KCNK2: variants seen among roughly 807,000 people sequenced by gnomAD.
The protein encoded by KCNK2 is potassium channel subfamily K member 2.
In KCNK2, 21 loss-of-function variants were observed where a neutral mutation model predicts 40.5. The ratio of observed to expected loss-of-function variants is 0.52; its 90% CI spans 0.37 to 0.75. KCNK2 has a LOEUF of 0.75. Ranked by LOEUF, KCNK2 falls within the 30% of genes least tolerant of loss-of-function variation. KCNK2 has a pLI of 0.00. For synonymous variants in KCNK2, 191 were observed against 202.2 expected (o/e 0.94, Z 0.47); for missense variants, 399 against 531.6 (o/e 0.75, Z 2.45).
intron 6 of KCNK2, among the ~76,000 whole-genome samples, chr1:215,207,321 C>T (rs1308813986): frequency 5.9e-5 from 9 of 152,088 alleles, no homozygotes; most frequent in African/African-American, 1.7e-4. Flanking sequence ...ACTGTGCACA[C>T]GAGAGACCTA....
Position 215,220,196 on chromosome 1 carries a change from TCTAG to T in KCNK2, c.964-14631_964-14628del, listed in dbSNP as rs1666115389. 2.0e-4 allele frequency among the ~76,000 whole-genome samples: 30 copies of T among 152,362 alleles called. No homozygotes were observed. The South Asian group carries it at 6.2e-3, about 32-fold the overall frequency. On this transcript the variant is annotated intron_variant, in intron 6 of 6. Transcript: ENST00000444842. ...AGAACCATGAATTCATACTGGTATC[TCTAG>T]TTCCAATCTGATATAATAGAGTTAC...
At chr1:215,075,402 C>T (rs1323332606) in intron 1 of KCNK2, among the ~76,000 whole-genome samples, 1 of 152,056 alleles carries the variant, frequency 6.6e-6, no homozygotes, top group African/African-American at 2.4e-5. Flanking sequence ...TAATTTGAAA[C>T]CCACTCAGGA....
At chr1:215,203,723 A>T (rs1201528999) in intron 6 of KCNK2, among the ~76,000 whole-genome samples, 1 of 152,140 alleles carries the variant, frequency 6.6e-6, no homozygotes. Flanking sequence ...AAAATAGCCT[A>T]GTAAAAAAAT....
chr1:215,220,047 T>C (rs915988710), intron 6 of KCNK2, among the ~76,000 whole-genome samples: 1 of 152,172 alleles, frequency 6.6e-6, no homozygotes, highest in African/African-American at 2.4e-5. Context: ...AATATATGAG[T>C]GTTTATGGCT....
At chr1:215,040,849 A>G (rs1485380254) in intron 1 of KCNK2, among the ~76,000 whole-genome samples, 1 of 152,176 alleles carries the variant, frequency 6.6e-6, no homozygotes, top group African/African-American at 2.4e-5. Context: ...TTGACAGGAC[A>G]CCACTGTTTG....
chr1:215,082,333 T>G (rs1659192298), upstream of KCNK2, among the ~76,000 whole-genome samples: 1 of 152,106 alleles, frequency 6.6e-6, no homozygotes, highest in African/African-American at 2.4e-5. Context: ...ACGGGGACAC[T>G]TCCCTGTACA....
At chr1:215,052,225 C>A (rs1658016218) in intron 1 of KCNK2, among the ~76,000 whole-genome samples, 1 of 151,892 alleles carries the variant, frequency 6.6e-6, no homozygotes, top group South Asian at 2.1e-4. Flanking sequence ...TGGATGGGGG[C>A]AGGTTGGTTC....
At chr1:215,157,448 C>T (rs556968040) in intron 3 of KCNK2, among the ~76,000 whole-genome samples, 8 of 152,288 alleles carry the variant, frequency 5.3e-5, no homozygotes, top group East Asian at 1.9e-4. Context: ...GAAGATTATG[C>T]GTCATTAATC....
At chr1:215,223,358 C>G (rs968896607) in intron 6 of KCNK2, among the ~76,000 whole-genome samples, 1 of 151,004 alleles carries the variant, frequency 6.6e-6, no homozygotes, top group Non-Finnish European at 1.5e-5. Context: ...AATCCCTTAT[C>G]TAGTGATGAT....
chr1:215,199,176 TG>T (rs1664983722), intron 6 of KCNK2, among the ~76,000 whole-genome samples: 1 of 151,436 alleles, frequency 6.6e-6, no homozygotes, highest in African/African-American at 2.4e-5. Context: ...GGTATGGGGG[TG>T]GGTGCCTGTA....
At position 215,046,970 on chromosome 1, in the gene KCNK2, A is replaced by T. The variant is rs143873444; in HGVS notation, c.35-39398A>T. On this transcript the variant is annotated intron_variant, in intron 1 of 6. Transcript: ENST00000391895. The stretch of plus-strand genomic sequence containing the variant: ...CGGGGTTAAAAATATCTCTATAGTG[A>T]TGTTCTAGAAACTATCTAAGATGAT... Among the ~76,000 whole-genome samples, 315 of 152,222 alleles carry T rather than the reference A, an allele frequency of 2.1e-3. 2 individuals are homozygous for T. The highest frequency in any genetic ancestry group is 0.011 in the Admixed American group (171 of 15,284).
intron 6 of KCNK2, 93 bp from the exon 7 acceptor site, chr1:215,234,734 TA>T: frequency 7.8e-7 from 1 of 1,275,438 alleles, no homozygotes; most frequent in Non-Finnish European, 1.1e-6. Flanking sequence ...CTCTTCTTTT[TA>T]AAATCCCAAA....
At chr1:215,215,357 A>G (rs1665920899) in intron 6 of KCNK2, among the ~76,000 whole-genome samples, 1 of 152,138 alleles carries the variant, frequency 6.6e-6, no homozygotes, top group Non-Finnish European at 1.5e-5. Flanking sequence ...CAGGCTTCAT[A>G]AAATAACTAG....
chr1:215,119,437 T>C (rs966736887), intron 2 of KCNK2, among the ~76,000 whole-genome samples: 1 of 152,170 alleles, frequency 6.6e-6, no homozygotes, highest in Admixed American at 6.5e-5. Flanking sequence ...ATAATTATCT[T>C]TATCATGTGT....
At chr1:215,125,682 A>G (rs982450113) in intron 3 of KCNK2, among the ~76,000 whole-genome samples, 2 of 150,906 alleles carry the variant, frequency 1.3e-5, no homozygotes, top group Admixed American at 1.3e-4. Context: ...GCACATGTAT[A>G]CATATGTAAC....
chr1:215,117,498 A>G (rs1457420477), intron 2 of KCNK2, among the ~76,000 whole-genome samples: 1 of 151,984 alleles, frequency 6.6e-6, no homozygotes, highest in African/African-American at 2.4e-5. Flanking sequence ...TTCTGCAGTA[A>G]TAAATATCAT....
intron 1 of KCNK2, among the ~76,000 whole-genome samples, chr1:215,067,464 C>A (rs1317575431): frequency 6.6e-6 from 1 of 152,062 alleles, no homozygotes; most frequent in Admixed American, 6.6e-5. Context: ...AACAAATACT[C>A]CCAATAATAT....
chr1:215,053,109 T>A (rs1437488607), intron 1 of KCNK2, among the ~76,000 whole-genome samples: 1 of 152,164 alleles, frequency 6.6e-6, no homozygotes, highest in Non-Finnish European at 1.5e-5. Flanking sequence ...AATTTTAAGT[T>A]CCAGGATATA....
chr1:215,083,192 G>GCCCCCCCCCCC lies in KCNK2; in HGVS notation c.-193_-192insCCCCCCCCCCC. On this transcript the variant is annotated 5_prime_UTR_variant, in exon 1 of 7. Coordinates refer to ENST00000444842, the MANE Select transcript of KCNK2 (RefSeq NM_001017425.3). ...TTCCCGCGATTTCGTTTCTTCTCAC[G>GCCCCCCCCCCC]CTCCCCCCCCCGCCCCCTCCCGCGT... 1.0e-6 allele frequency: 1 copy of GCCCCCCCCCCC among 959,182 alleles called. No individual in the cohort carries two copies. The highest frequency in any genetic ancestry group is 1.4e-5 in the South Asian group (1 of 71,738). The allele number at this position is 959,182 out of a possible 1,614,324, so 59.4% of individuals were successfully genotyped here. A position where few individuals can be genotyped will look rare whatever the true frequency, so the allele number is the denominator to read the frequency against.
Sources: allele counts gnomAD v4.1 joint callset (sites outside exome capture counted in the v4.1 genomes callset), GRCh38; gene constraint gnomAD v4.1.1; transcripts MANE v1.5; gene names NCBI Gene and HGNC (gene_info 2026-07-23, HGNC 2026-07-21).